GPC5: variants seen among roughly 807,000 people sequenced by gnomAD.
GPC5 encodes glypican 5, also known as glypican-5.
Under a neutral mutation model 53.9 loss-of-function variants are expected in GPC5, and 47 were observed. That is an observed-to-expected ratio of 0.87 (90% CI 0.69 to 1.11). The LOEUF (loss-of-function observed/expected upper bound fraction) is 1.11. Ranked by LOEUF, GPC5 falls within the 50% of genes most tolerant of loss-of-function variation. The pLI is 0.00. For missense variants in GPC5, 748 were observed against 713.1 expected (o/e 1.05, Z -0.56); for synonymous variants, 286 against 263.3 (o/e 1.09, Z -0.84).
chr13:91,960,182 A>T (rs986603260), intron 6 of GPC5, among the ~76,000 whole-genome samples: 15 of 152,038 alleles, frequency 9.9e-5, no homozygotes, highest in Admixed American at 4.6e-4. Context: ...AAAAAAACTA[A>T]AAACTTCACC....
At chr13:92,679,566 A>G (rs1887051761) in intron 7 of GPC5, among the ~76,000 whole-genome samples, 1 of 152,206 alleles carries the variant, frequency 6.6e-6, no homozygotes, top group Non-Finnish European at 1.5e-5. Flanking sequence ...TACTTAAATT[A>G]TGAAAATACA....
chr13:91,491,896 G>A (rs759270977), intron 2 of GPC5, among the ~76,000 whole-genome samples: 1 of 152,092 alleles, frequency 6.6e-6, no homozygotes, highest in Non-Finnish European at 1.5e-5. Context: ...ATAAAGTCAC[G>A]CTCACAGGTT....
chr13:91,584,861 G>A (rs1465808901), intron 2 of GPC5, among the ~76,000 whole-genome samples: 1 of 152,226 alleles, frequency 6.6e-6, no homozygotes, highest in African/African-American at 2.4e-5. Flanking sequence ...TTACAGGCAT[G>A]AGCCACTGTG....
intron 7 of GPC5, chr13:92,447,028 A>G (rs1046783888): frequency 6.6e-6 from 1 of 152,072 alleles, no homozygotes; most frequent in African/African-American, 2.4e-5. Flanking sequence ...TATTCTGGTT[A>G]TTAGTCTCTC....
intron 7 of GPC5, among the ~76,000 whole-genome samples, chr13:92,360,170 T>C (rs1012086638): frequency 4.0e-5 from 6 of 151,706 alleles, no homozygotes; most frequent in African/African-American, 1.5e-4. Context: ...CCAGTTCCTA[T>C]GTCCAGAATG....
At chr13:92,008,111 G>A (rs1046936091) in intron 6 of GPC5, among the ~76,000 whole-genome samples, 1 of 141,124 alleles carries the variant, frequency 7.1e-6, no homozygotes, top group African/African-American at 2.6e-5. Context: ...CGCCCAGGCT[G>A]GAGTGCAGTG....
intron 2 of GPC5, among the ~76,000 whole-genome samples, chr13:91,588,042 A>AT (rs2032662489): frequency 6.6e-6 from 1 of 152,138 alleles, no homozygotes; most frequent in Non-Finnish European, 1.5e-5. Flanking sequence ...ACCACTGCAA[A>AT]TCATCTATGC....
chr13:92,480,271 AC>A (rs1879298571), intron 7 of GPC5, among the ~76,000 whole-genome samples: 1 of 152,216 alleles, frequency 6.6e-6, no homozygotes, highest in Non-Finnish European at 1.5e-5. Context: ...GGTCTTTTTA[AC>A]AAGCAATTTA....
chr13:92,408,138 G>A (rs1344760439), intron 7 of GPC5, among the ~76,000 whole-genome samples: 2 of 152,114 alleles, frequency 1.3e-5, no homozygotes, highest in Non-Finnish European at 2.9e-5. Context: ...AGATTATCAC[G>A]GGAACACAAA....
At chr13:91,809,908 G>T (rs2038283397) in intron 5 of GPC5, among the ~76,000 whole-genome samples, 1 of 151,900 alleles carries the variant, frequency 6.6e-6, no homozygotes, top group South Asian at 2.1e-4. Context: ...TTTTTTTGAT[G>T]CATATGCTAA....
chr13:92,300,387 T>C (rs745444999), intron 7 of GPC5, among the ~76,000 whole-genome samples: 11 of 152,172 alleles, frequency 7.2e-5, no homozygotes, highest in Non-Finnish European at 1.0e-4. Context: ...TGTTAAAGCA[T>C]AGATTTTAGG....
At chr13:92,607,585 G>A (rs1454670271) in intron 7 of GPC5, among the ~76,000 whole-genome samples, 1 of 152,016 alleles carries the variant, frequency 6.6e-6, no homozygotes, top group East Asian at 1.9e-4. Context: ...CAACACAGTA[G>A]AGCCTCAAAT....
At chr13:92,653,065 A>G (rs2007557) in intron 7 of GPC5, among the ~76,000 whole-genome samples, 134,976 of 152,094 alleles carry the variant, frequency 0.89, 60,497 homozygotes, top group South Asian at 0.97. Flanking sequence ...CCTAGGACTC[A>G]CCAACACTGG....
intron 4 of GPC5, among the ~76,000 whole-genome samples, chr13:91,731,467 T>A (rs1004757718): frequency 6.6e-6 from 1 of 152,228 alleles, no homozygotes; most frequent in Non-Finnish European, 1.5e-5. Flanking sequence ...GTCTTTTTTT[T>A]ATTGTGTTCA....
intron 2 of GPC5, among the ~76,000 whole-genome samples, chr13:91,506,699 T>C (rs1437684061): frequency 6.7e-6 from 1 of 149,018 alleles, no homozygotes; most frequent in East Asian, 2.0e-4. Flanking sequence ...AAAAAATGAC[T>C]TTGAATAAAA....
chr13:92,540,702 A>T (rs1443659093), intron 7 of GPC5, among the ~76,000 whole-genome samples: 1 of 151,938 alleles, frequency 6.6e-6, no homozygotes, highest in Admixed American at 6.6e-5. Context: ...ATTAATGGCT[A>T]CATATGCCCT....
At chr13:92,031,031 G>A (rs1291033843) in intron 6 of GPC5, among the ~76,000 whole-genome samples, 1 of 151,934 alleles carries the variant, frequency 6.6e-6, no homozygotes, top group Non-Finnish European at 1.5e-5. Flanking sequence ...ACAGGTTTTG[G>A]TCCCTCTTTG....
chr13:92,520,707 T>C (rs1373961263), intron 7 of GPC5, among the ~76,000 whole-genome samples: 2 of 152,156 alleles, frequency 1.3e-5, no homozygotes, highest in Non-Finnish European at 2.9e-5. Context: ...AGCATTCCCT[T>C]GGAAAACTGG....
chr13:92,651,929 A>G (rs1282965541), intron 7 of GPC5, among the ~76,000 whole-genome samples: 2 of 151,916 alleles, frequency 1.3e-5, no homozygotes, highest in Non-Finnish European at 2.9e-5. Flanking sequence ...ATATGGAAGA[A>G]CGTCAAGGAT....
Sources: allele counts gnomAD v4.1 joint callset (sites outside exome capture counted in the v4.1 genomes callset), GRCh38; gene constraint gnomAD v4.1.1; transcripts MANE v1.5; gene names NCBI Gene and HGNC (gene_info 2026-07-23, HGNC 2026-07-21).